The following RGS6 variants were observed in gnomAD, a reference collection of about 807,000 sequenced individuals.
The protein encoded by RGS6 is regulator of G protein signaling 6.
A neutral mutation model predicts 78.5 loss-of-function variants in RGS6; 30 were observed. The ratio of observed to expected loss-of-function variants is 0.38; its 90% CI spans 0.29 to 0.52. The LOEUF is 0.52. Ranked by LOEUF, RGS6 falls within the 20% of genes least tolerant of loss-of-function variation. RGS6 has a pLI of 0.85. For synonymous variants in RGS6, 206 were observed against 206.0 expected (o/e 1.00, Z 0.00); for missense variants, 495 against 609.7 (o/e 0.81, Z 1.98).
the RGS6 span, among the ~76,000 whole-genome samples, chr14:72,605,356 C>A: frequency 1.3e-5 from 2 of 152,324 alleles, no homozygotes; most frequent in East Asian, 1.9e-4. Flanking sequence ...GGCAGGCGGG[C>A]GCTTGCACGC....
intron 3 of RGS6, among the ~76,000 whole-genome samples, chr14:72,430,642 G>C (rs1473828061): frequency 3.3e-5 from 5 of 152,180 alleles, no homozygotes; most frequent in African/African-American, 4.8e-5. Context: ...TAGAGCCCCA[G>C]TATGTTCCTG....
intron 15 of RGS6, among the ~76,000 whole-genome samples, chr14:72,521,480 A>C (rs1003188338): frequency 6.6e-6 from 1 of 152,156 alleles, no homozygotes; most frequent in Non-Finnish European, 1.5e-5. Flanking sequence ...CAAGTATCTC[A>C]ATATCCAACC....
chr14:72,132,484 G>A (rs1430915718), intron 2 of RGS6, among the ~76,000 whole-genome samples: 3 of 151,930 alleles, frequency 2.0e-5, no homozygotes, highest in African/African-American at 7.3e-5. Context: ...TCACCATGTT[G>A]GCCAGGCCAG....
At chr14:72,251,147 G>A (rs2055655946) in intron 2 of RGS6, among the ~76,000 whole-genome samples, 1 of 152,240 alleles carries the variant, frequency 6.6e-6, no homozygotes, top group South Asian at 2.1e-4. Flanking sequence ...CTCTTTGGAA[G>A]TTGAATTTAT....
chr14:71,964,781 A>G lies in RGS6; in HGVS notation c.-11A>G. On this transcript the variant is annotated 5_prime_UTR_variant, in exon 2 of 18. Coordinates refer to ENST00000553525, the MANE Select transcript of RGS6 (RefSeq NM_001204424.2). ...TCATTTATTTTTGCAGTGTGAGTGA[A>G]GACACTCAGGATGGCTCAAGGATCC... 12 of 1,605,176 alleles carry G rather than the reference A, an allele frequency of 7.5e-6. No individual in the cohort carries two copies. The highest frequency in any genetic ancestry group is 9.4e-6 in the Non-Finnish European group (11 of 1,174,030).
chr14:71,912,751 A>C, the RGS6 span, among the ~76,000 whole-genome samples: 538 of 152,308 alleles, frequency 3.5e-3, 5 homozygotes, highest in African/African-American at 0.012. Flanking sequence ...AAATAGCTGC[A>C]GATCCCAAGC....
chr14:71,990,320 T>A (rs1860104), intron 2 of RGS6, among the ~76,000 whole-genome samples: 61,210 of 151,920 alleles, frequency 0.4, 12,593 homozygotes, highest in Admixed American at 0.46. Context: ...CAAGCCCCAA[T>A]CCAAACCAAA....
At chr14:71,881,603 A>G in the RGS6 span, among the ~76,000 whole-genome samples, 2 of 152,200 alleles carry the variant, frequency 1.3e-5, no homozygotes, top group Non-Finnish European at 2.9e-5. Flanking sequence ...GTCTGCCACC[A>G]TGTGAGACGT....
chr14:72,262,404 T>C (rs898168372), intron 2 of RGS6, among the ~76,000 whole-genome samples: 5 of 152,194 alleles, frequency 3.3e-5, no homozygotes, highest in Non-Finnish European at 5.9e-5. Flanking sequence ...GTGGCCTCTT[T>C]TCTGTGCACT....
chr14:72,571,023 A>T (rs190606032), downstream of RGS6, among the ~76,000 whole-genome samples: 19 of 152,158 alleles, frequency 1.2e-4, no homozygotes, highest in Non-Finnish European at 2.1e-4. Flanking sequence ...CCTCTCCCAT[A>T]CCTAAGTTTC....
intron 3 of RGS6, among the ~76,000 whole-genome samples, chr14:72,377,073 T>C (rs570731527): frequency 1.3e-4 from 20 of 152,296 alleles, no homozygotes; most frequent in African/African-American, 4.6e-4. Context: ...TAACCTTGAA[T>C]GTAAATAGAT....
chr14:72,383,073 A>G (rs913066474), intron 3 of RGS6, among the ~76,000 whole-genome samples: 4 of 150,636 alleles, frequency 2.7e-5, no homozygotes, highest in Admixed American at 2.7e-4. Context: ...ACATCTTTAT[A>G]CTTTTACATA....
chr14:72,078,979 A>C (rs1363864479), intron 2 of RGS6, among the ~76,000 whole-genome samples: 1 of 152,156 alleles, frequency 6.6e-6, no homozygotes, highest in Non-Finnish European at 1.5e-5. Context: ...TTGTTAACTC[A>C]GTTAAATATA....
chr14:71,992,644 C>G (rs1364194927), intron 2 of RGS6, among the ~76,000 whole-genome samples: 2 of 152,180 alleles, frequency 1.3e-5, no homozygotes, highest in Admixed American at 6.5e-5. Context: ...CTCTTAACTA[C>G]TCATTATGTT....
chr14:72,173,610 C>T (rs1462495485), intron 2 of RGS6, among the ~76,000 whole-genome samples: 1 of 152,160 alleles, frequency 6.6e-6, no homozygotes, highest in Non-Finnish European at 1.5e-5. Context: ...CCGTCCCTCT[C>T]CAATAACCTC....
intron 2 of RGS6, among the ~76,000 whole-genome samples, chr14:72,037,630 T>G (rs2091902871): frequency 6.6e-6 from 1 of 152,224 alleles, no homozygotes; most frequent in Non-Finnish European, 1.5e-5. Flanking sequence ...CAAACACCGT[T>G]TATTCAGAAG....
chr14:72,571,114 C>G (rs1331238387), downstream of RGS6, among the ~76,000 whole-genome samples: 3 of 152,208 alleles, frequency 2.0e-5, no homozygotes, highest in African/African-American at 4.8e-5. Flanking sequence ...ACTGAATCCC[C>G]CATGCCTCCA....
At chr14:72,075,885 C>T (rs1469503120) in intron 2 of RGS6, among the ~76,000 whole-genome samples, 2 of 152,214 alleles carry the variant, frequency 1.3e-5, no homozygotes, top group African/African-American at 2.4e-5. Context: ...TGTCTCTATT[C>T]GTCTGACCAA....
intron 2 of RGS6, among the ~76,000 whole-genome samples, chr14:72,161,527 A>C (rs750923972): frequency 1.3e-5 from 2 of 152,168 alleles, no homozygotes; most frequent in Non-Finnish European, 2.9e-5. Flanking sequence ...CCATTTCCTC[A>C]TTACTCAGTG....
Sources: gnomAD v4.1 joint callset for allele counts (sites outside exome capture counted in the v4.1 genomes callset) on GRCh38, gnomAD v4.1.1 for gene constraint, MANE v1.5 for transcripts, NCBI Gene and HGNC (gene_info 2026-07-23, HGNC 2026-07-21) for gene names.